RABGAP1L: variants seen among roughly 807,000 people sequenced by gnomAD.
RABGAP1L encodes rab GTPase-activating protein 1-like.
In RABGAP1L, 63 loss-of-function variants were observed where a neutral mutation model predicts 137.7. That is an observed-to-expected ratio of 0.46 (90% CI 0.37 to 0.56). RABGAP1L has a LOEUF of 0.56. RABGAP1L is among the 20% of genes least tolerant of loss of function. RABGAP1L has a pLI of 0.00. For missense variants in RABGAP1L, 1,095 were observed against 1,244.0 expected (o/e 0.88, Z 1.80); for synonymous variants, 431 against 433.7 (o/e 0.99, Z 0.08).
At chr1:174,783,588 C>T (rs547390804) in intron 18 of RABGAP1L, among the ~76,000 whole-genome samples, 4 of 152,128 alleles carry the variant, frequency 2.6e-5, no homozygotes, top group East Asian at 1.9e-4. Flanking sequence ...AATAGAATTG[C>T]GACAACTTAC....
chr1:174,281,551 C>A (rs1675554943), intron 10 of RABGAP1L, among the ~76,000 whole-genome samples: 1 of 152,190 alleles, frequency 6.6e-6, no homozygotes, highest in Non-Finnish European at 1.5e-5. Flanking sequence ...CGCCTCTCAC[C>A]TTGACCTGAG....
At chr1:174,874,461 G>C (rs764557207) in intron 19 of RABGAP1L, 11 of 985,228 alleles carry the variant, frequency 1.1e-5, no homozygotes, top group African/African-American at 3.5e-5. Context: ...TTTGGTTACC[G>C]GGAGTGTGGC....
intron 13 of RABGAP1L, among the ~76,000 whole-genome samples, chr1:174,616,168 G>T (rs936414999): frequency 1.3e-5 from 2 of 152,210 alleles, no homozygotes; most frequent in Admixed American, 6.5e-5. Context: ...TGTCTTCTGC[G>T]TCGCTCATGC....
At chr1:174,468,535 G>A (rs1300940884) in intron 13 of RABGAP1L, among the ~76,000 whole-genome samples, 2 of 152,142 alleles carry the variant, frequency 1.3e-5, no homozygotes, top group East Asian at 3.8e-4. Context: ...AAATGTTATT[G>A]ATAAGTAAAA....
At chr1:174,962,139 C>T (rs1047533078) in intron 20 of RABGAP1L, among the ~76,000 whole-genome samples, 10 of 151,566 alleles carry the variant, frequency 6.6e-5, no homozygotes, top group South Asian at 2.1e-4. Flanking sequence ...CACGCCACTG[C>T]GCTCCAGCCT....
At chr1:174,529,782 G>A (rs1360533015) in intron 13 of RABGAP1L, among the ~76,000 whole-genome samples, 2 of 152,122 alleles carry the variant, frequency 1.3e-5, no homozygotes, top group Non-Finnish European at 2.9e-5. Flanking sequence ...GCTGCAATGG[G>A]ATGAACAGGC....
rs1262972977 is a variant in RABGAP1L, at chr1:174,225,806, C to T, written c.331+4642C>T. Reference sequence around the variant, plus strand: ...GCTGCTTTGTGCTGTTTTGCAGAATCATATGTCTGGAGCACTTTATGACAA... The same window carrying T: ...GCTGCTTTGTGCTGTTTTGCAGAATTATATGTCTGGAGCACTTTATGACAA... On this transcript the variant is annotated intron_variant, in intron 3 of 25. Transcript: ENST00000681986. Among the ~76,000 whole-genome samples, 3 of 152,058 alleles carry T rather than the reference C, an allele frequency of 2.0e-5. No homozygotes were observed. The East Asian group carries it at 5.8e-4, about 29-fold the overall frequency.
intron 1 of RABGAP1L, among the ~76,000 whole-genome samples, chr1:174,175,267 G>T (rs998522788): frequency 2.0e-5 from 3 of 152,260 alleles, no homozygotes; most frequent in South Asian, 2.1e-4. Flanking sequence ...TGGGTACCAA[G>T]AATTTTTAGA....
At position 174,787,547 on chromosome 1, in the gene RABGAP1L, A is replaced by G. The variant is rs139751530; in HGVS notation, c.2212-24285A>G. ...TTTTTAAAAAGCATATTTGGGAAATAATGAGAAGTTTCATGAGGACATTGG... is the reference window on the plus strand; with the variant it reads ...TTTTTAAAAAGCATATTTGGGAAATGATGAGAAGTTTCATGAGGACATTGG... On this transcript the variant is annotated intron_variant, in intron 18 of 25. Transcript: ENST00000681986. 5.8e-3 allele frequency among the ~76,000 whole-genome samples: 879 copies of G among 152,318 alleles called. 9 individuals are homozygous for G. The highest frequency in any genetic ancestry group is 9.8e-3 in the Non-Finnish European group (664 of 68,030).
chr1:174,238,355 G>C (rs1671413301), intron 4 of RABGAP1L, among the ~76,000 whole-genome samples: 2 of 152,144 alleles, frequency 1.3e-5, no homozygotes, highest in Non-Finnish European at 2.9e-5. Flanking sequence ...CTGCGTTTTA[G>C]AGTTTCCAGT....
At chr1:174,732,035 TATTAAAAGTACAAAAA>T (rs1222374900) in intron 17 of RABGAP1L, among the ~76,000 whole-genome samples, 1 of 152,142 alleles carries the variant, frequency 6.6e-6, no homozygotes, top group Non-Finnish European at 1.5e-5. Context: ...ACCCTGTGTC[TATTAAAAGTACAAAAA>T]ATTAGCTGGG....
chr1:174,687,696 T>G (rs760063737), intron 15 of RABGAP1L, among the ~76,000 whole-genome samples: 1 of 152,248 alleles, frequency 6.6e-6, no homozygotes, highest in Admixed American at 6.5e-5. Flanking sequence ...TAATTTGTTA[T>G]CAGTTACATA....
intron 1 of RABGAP1L, among the ~76,000 whole-genome samples, chr1:174,212,769 T>C (rs1017373379): frequency 6.6e-6 from 1 of 151,954 alleles, no homozygotes; most frequent in Non-Finnish European, 1.5e-5. Flanking sequence ...GTTTGAAAAG[T>C]TAATGAAAAT....
intron 19 of RABGAP1L, among the ~76,000 whole-genome samples, chr1:174,884,402 T>C (rs1012089954): frequency 4.6e-5 from 7 of 152,350 alleles, no homozygotes; most frequent in African/African-American, 1.7e-4. Flanking sequence ...ATACTGTTAT[T>C]TCTAAATCTT....
intron 19 of RABGAP1L, among the ~76,000 whole-genome samples, chr1:174,909,731 C>T (rs1659747345): frequency 1.3e-5 from 2 of 152,100 alleles, no homozygotes; most frequent in Non-Finnish European, 2.9e-5. Context: ...TACAAAGCAT[C>T]GTTAGAGACT....
chr1:174,602,497 C>A (rs771416441), intron 13 of RABGAP1L, among the ~76,000 whole-genome samples: 1 of 152,114 alleles, frequency 6.6e-6, no homozygotes, highest in Admixed American at 6.5e-5. Flanking sequence ...TCCCACAACA[C>A]GTGGAAATTC....
chr1:174,356,748 A>G (rs1251852181), intron 11 of RABGAP1L, among the ~76,000 whole-genome samples: 1 of 152,168 alleles, frequency 6.6e-6, no homozygotes, highest in African/African-American at 2.4e-5. Flanking sequence ...ATCAGTGGAT[A>G]ATAAGAGATA....
intron 12 of RABGAP1L, among the ~76,000 whole-genome samples, chr1:174,383,102 GGGGGTCA>G (rs1212737921): frequency 1.3e-5 from 2 of 149,780 alleles, no homozygotes; most frequent in Non-Finnish European, 3.0e-5. Context: ...TAGGCTGCTC[GGGGGTCA>G]GGGGTCAGGG....
At chr1:174,588,317 C>G (rs143562445) in intron 13 of RABGAP1L, among the ~76,000 whole-genome samples, 2 of 152,052 alleles carry the variant, frequency 1.3e-5, no homozygotes, top group Non-Finnish European at 2.9e-5. Context: ...GCATGCACCA[C>G]CATGCCTGGC....
Sources: allele counts gnomAD v4.1 joint callset (sites outside exome capture counted in the v4.1 genomes callset), GRCh38; gene constraint gnomAD v4.1.1; transcripts MANE v1.5; gene names NCBI Gene and HGNC (gene_info 2026-07-23, HGNC 2026-07-21).